PLCXD3: variants seen among roughly 807,000 people sequenced by gnomAD.
PLCXD3 encodes the protein phosphatidylinositol specific phospholipase C X domain containing 3.
In PLCXD3, 19 loss-of-function variants were observed where a neutral mutation model predicts 25.5. The observed-to-expected ratio is 0.75, with a 90% CI of 0.52 to 1.09. The LOEUF (loss-of-function observed/expected upper bound fraction) is 1.09, where lower values mean the gene tolerates loss of function less well. PLCXD3 is among the 50% of genes least tolerant of loss of function. The pLI, the probability that PLCXD3 is intolerant of heterozygous loss-of-function variation, is 0.00. For synonymous variants in PLCXD3, 174 were observed against 137.6 expected (o/e 1.26, Z -1.85); for missense variants, 411 against 388.1 (o/e 1.06, Z -0.50).
intron 1 of PLCXD3, among the ~76,000 whole-genome samples, chr5:41,471,108 G>C (rs1748146926): frequency 6.6e-6 from 1 of 152,118 alleles, no homozygotes; most frequent in Admixed American, 6.5e-5. Context: ...GAGAGGGGTA[G>C]AACAAGATGG....
At chr5:41,495,676 T>C (rs1316501774) in intron 1 of PLCXD3, among the ~76,000 whole-genome samples, 1 of 152,196 alleles carries the variant, frequency 6.6e-6, no homozygotes, top group Non-Finnish European at 1.5e-5. Flanking sequence ...TAATTAGAAA[T>C]CTATATGCAC....
intron 1 of PLCXD3, among the ~76,000 whole-genome samples, chr5:41,439,046 T>C (rs1168687844): frequency 1.3e-5 from 2 of 152,212 alleles, no homozygotes; most frequent in Non-Finnish European, 2.9e-5. Flanking sequence ...AAACAAACAC[T>C]GTCGTAGTTT....
chr5:41,372,869 C>T (rs901000079), intron 2 of PLCXD3, among the ~76,000 whole-genome samples: 1 of 151,846 alleles, frequency 6.6e-6, no homozygotes, highest in African/African-American at 2.4e-5. Flanking sequence ...CATGGTGAAA[C>T]TCCTTCTCTA....
intron 1 of PLCXD3, among the ~76,000 whole-genome samples, chr5:41,489,066 TA>T (rs1420030823): frequency 1.3e-5 from 2 of 152,240 alleles, no homozygotes; most frequent in East Asian, 3.8e-4. Context: ...GTTTTAGGTC[TA>T]ACGTTTAAGT....
chr5:41,445,694 A>G (rs1747478244), intron 1 of PLCXD3, among the ~76,000 whole-genome samples: 1 of 152,190 alleles, frequency 6.6e-6, no homozygotes. Flanking sequence ...GTAAAATTAC[A>G]ATTCAGAACA....
chr5:41,406,353 C>A (rs925163323), intron 1 of PLCXD3, among the ~76,000 whole-genome samples: 1 of 152,016 alleles, frequency 6.6e-6, no homozygotes, highest in Non-Finnish European at 1.5e-5. Flanking sequence ...CATTTTAGAG[C>A]CCCTGTGTGC....
intron 2 of PLCXD3, among the ~76,000 whole-genome samples, chr5:41,366,077 T>C (rs886379246): frequency 6.6e-6 from 1 of 152,124 alleles, no homozygotes; most frequent in African/African-American, 2.4e-5. Flanking sequence ...TATCTCCTAA[T>C]GCTATCCCTC....
chr5:41,496,978 AT>A (rs1748855451), intron 1 of PLCXD3, among the ~76,000 whole-genome samples: 1 of 151,770 alleles, frequency 6.6e-6, no homozygotes, highest in Non-Finnish European at 1.5e-5. Context: ...TTTGTATGTG[AT>A]TTAAGTTATT....
chr5:41,473,444 T>TTTAATTAA (rs10644970), intron 1 of PLCXD3, among the ~76,000 whole-genome samples: 21 of 150,478 alleles, frequency 1.4e-4, no homozygotes, highest in Non-Finnish European at 2.4e-4. Flanking sequence ...CCATTACTTT[T>TTTAATTAA]TTAATTAATT....
chr5:41,377,249 A>G (rs1486803257), intron 2 of PLCXD3, among the ~76,000 whole-genome samples: 3 of 152,052 alleles, frequency 2.0e-5, no homozygotes, highest in Non-Finnish European at 4.4e-5. Flanking sequence ...ATAAATATTG[A>G]ACCTAATCAT....
chr5:41,436,256 C>G (rs145903134), intron 1 of PLCXD3, among the ~76,000 whole-genome samples: 6 of 151,900 alleles, frequency 3.9e-5, no homozygotes, highest in African/African-American at 1.4e-4. Flanking sequence ...CTATGTATCA[C>G]TGAATGCCAT....
chr5:41,437,700 C>T (rs1747287506), intron 1 of PLCXD3, among the ~76,000 whole-genome samples: 1 of 152,156 alleles, frequency 6.6e-6, no homozygotes, highest in Admixed American at 6.5e-5. Flanking sequence ...AGATAGATAC[C>T]ATGTCTGGTA....
chr5:41,332,109 A>C (rs1463795887), intron 2 of PLCXD3, among the ~76,000 whole-genome samples: 85 of 152,286 alleles, frequency 5.6e-4, no homozygotes, highest in African/African-American at 2.0e-3. Context: ...TAATTCAACT[A>C]AAGAGCTTCT....
At position 41,310,291 on chromosome 5, in the gene PLCXD3, A is replaced by C. The variant is rs983265036; in HGVS notation, c.*3326T>G. 1.3e-5 allele frequency: 2 copies of C among 152,180 alleles called. No individual in the cohort carries two copies. Among genetic ancestry groups the C allele is most frequent in the Non-Finnish European group, 2.9e-5 (2 of 68,014 alleles). The allele number at this position is 152,180 out of a possible 1,614,324, so 9.4% of individuals were successfully genotyped here. A position where few individuals can be genotyped will look rare whatever the true frequency, so the allele number is the denominator to read the frequency against. ...CCTTGAAAATTACAGACAGGAAATC[A>C]AACTTAAAAATGATCTCTTTGCATA... On this transcript the variant is annotated 3_prime_UTR_variant, in exon 3 of 3. Transcript: ENST00000377801.
chr5:41,350,223 T>C (rs1268802951), intron 2 of PLCXD3, among the ~76,000 whole-genome samples: 1 of 152,174 alleles, frequency 6.6e-6, no homozygotes, highest in Non-Finnish European at 1.5e-5. Context: ...AATTCCGTCC[T>C]CTGTTTTCTC....
chr5:41,375,245 C>A (rs1453811921), intron 2 of PLCXD3, among the ~76,000 whole-genome samples: 1 of 152,060 alleles, frequency 6.6e-6, no homozygotes, highest in Non-Finnish European at 1.5e-5. Context: ...TTGGCTTTAC[C>A]CGCTATCCTA....
chr5:41,392,572 A>G (rs1474895658), intron 1 of PLCXD3, among the ~76,000 whole-genome samples: 1 of 152,074 alleles, frequency 6.6e-6, no homozygotes, highest in Non-Finnish European at 1.5e-5. Context: ...TATCTGGAAA[A>G]CCTTCCCAAA....
At chr5:41,341,360 G>A (rs1019049836) in intron 2 of PLCXD3, among the ~76,000 whole-genome samples, 256 of 152,182 alleles carry the variant, frequency 1.7e-3, no homozygotes, top group African/African-American at 5.9e-3. Flanking sequence ...TCTACAAATC[G>A]CTGATCCTTT....
At chr5:41,435,453 A>G (rs867883754) in intron 1 of PLCXD3, among the ~76,000 whole-genome samples, 13 of 152,190 alleles carry the variant, frequency 8.5e-5, no homozygotes, top group African/African-American at 3.1e-4. Context: ...TTCACGGAGC[A>G]CCACCCACAT....
Sources: allele counts gnomAD v4.1 joint callset (sites outside exome capture counted in the v4.1 genomes callset), GRCh38; gene constraint gnomAD v4.1.1; transcripts MANE v1.5; gene names NCBI Gene and HGNC (gene_info 2026-07-23, HGNC 2026-07-21).